The following MSRB3 variants were observed in gnomAD, a reference collection of about 807,000 sequenced individuals.
The protein encoded by MSRB3 is methionine sulfoxide reductase B3.
MSRB3 carries 13 observed loss-of-function variants against 21.0 expected under a neutral mutation model. The ratio of observed to expected loss-of-function variants is 0.62; its 90% CI spans 0.40 to 0.98. The LOEUF (loss-of-function observed/expected upper bound fraction) is 0.98, where lower values mean the gene tolerates loss of function less well. MSRB3 is among the 50% of genes least tolerant of loss of function. The pLI is 0.00. For missense variants in MSRB3, 199 were observed against 230.3 expected (o/e 0.86, Z 0.88); for synonymous variants, 87 against 88.6 (o/e 0.98, Z 0.10).
chr12:65,347,660 T>G (rs917295384), intron 4 of MSRB3, among the ~76,000 whole-genome samples: 1 of 152,204 alleles, frequency 6.6e-6, no homozygotes, highest in African/African-American at 2.4e-5. Flanking sequence ...CCCTGTCTTG[T>G]GCCAGTTTTC....
intron 5 of MSRB3, among the ~76,000 whole-genome samples, chr12:65,406,014 C>G (rs1283052786): frequency 6.6e-6 from 1 of 151,930 alleles, no homozygotes; most frequent in African/African-American, 2.4e-5. Flanking sequence ...TTCTCTTGTT[C>G]TATAGGTTGT....
At chr12:65,288,453 C>T (rs1397239296) in intron 1 of MSRB3, among the ~76,000 whole-genome samples, 2 of 152,156 alleles carry the variant, frequency 1.3e-5, no homozygotes, top group Non-Finnish European at 2.9e-5. Flanking sequence ...CTATCTTGTG[C>T]GATTCACTAT....
intron 1 of MSRB3, chr12:65,306,868 C>T: frequency 1.0e-6 from 1 of 985,892 alleles, no homozygotes; most frequent in Non-Finnish European, 1.2e-6. Context: ...TGCAGAGTGA[C>T]ATCACTGCCT....
intron 4 of MSRB3, among the ~76,000 whole-genome samples, chr12:65,348,927 CT>C (rs1483860781): frequency 1.3e-5 from 2 of 150,740 alleles, no homozygotes; most frequent in Non-Finnish European, 3.0e-5. Context: ...TTTTTATATA[CT>C]TTAAGTTTTA....
chr12:65,360,623 A>T (rs1398662254), intron 4 of MSRB3, among the ~76,000 whole-genome samples: 1 of 151,770 alleles, frequency 6.6e-6, no homozygotes, highest in East Asian at 1.9e-4. Context: ...CTCTTTCTTT[A>T]TTCCTGGGAA....
chr12:65,298,371 A>G (rs1371428979), intron 1 of MSRB3, among the ~76,000 whole-genome samples: 1 of 152,226 alleles, frequency 6.6e-6, no homozygotes, highest in Non-Finnish European at 1.5e-5. Context: ...TAATAAATGA[A>G]TTGAGTTTGG....
Position 65,387,000 on chromosome 12 carries a change from G to A in MSRB3, c.292+17974G>A, listed in dbSNP as rs188995701. On this transcript the variant is annotated intron_variant, in intron 5 of 6. Coordinates refer to ENST00000308259, the MANE Select transcript of MSRB3 (RefSeq NM_001031679.3). ...TAGACTATATATCCTGATATTTCTT[G>A]GTCTTATCTCATTATTTCAATTCTG... is the stretch of plus-strand genomic sequence containing the variant. Among the ~76,000 whole-genome samples the A allele has an allele frequency of 3.0e-3, 452 of 151,948 alleles. 1 individual carries two copies. The highest frequency in any genetic ancestry group is 0.01 in the African/African-American group (423 of 41,484).
At chr12:65,344,076 A>G (rs1340329186) in intron 4 of MSRB3, 1 of 152,092 alleles carries the variant, frequency 6.6e-6, no homozygotes, top group Non-Finnish European at 1.5e-5. Flanking sequence ...GATTAAGTAA[A>G]TAATGTTGAA....
At chr12:65,316,847 A>C (rs147477901) in intron 2 of MSRB3, among the ~76,000 whole-genome samples, 24 of 152,134 alleles carry the variant, frequency 1.6e-4, no homozygotes, top group Non-Finnish European at 3.2e-4. Flanking sequence ...GTCAGACTGG[A>C]TTCTCGGAAT....
At chr12:65,305,961 G>A (rs1166091941) in intron 1 of MSRB3, among the ~76,000 whole-genome samples, 2 of 152,142 alleles carry the variant, frequency 1.3e-5, no homozygotes, top group African/African-American at 4.8e-5. Context: ...CATTTCCTGA[G>A]CATATACTAT....
chr12:65,374,619 CT>C (rs1223562709), intron 5 of MSRB3, among the ~76,000 whole-genome samples: 1 of 152,166 alleles, frequency 6.6e-6, no homozygotes, highest in Non-Finnish European at 1.5e-5. Context: ...TTTCCACAGA[CT>C]TTTAAGAGAA....
Position 65,363,050 on chromosome 12 carries a change from A to G in MSRB3, c.264-5948A>G, listed in dbSNP as rs139145794. ...AATTCTTGCTGTAGAGTTGCCATAT[A>G]TAATGCGCTTACAGACAAAAATCAG... On this transcript the variant is annotated intron_variant, in intron 4 of 6. Transcript: ENST00000308259. 8.9e-4 allele frequency among the ~76,000 whole-genome samples: 135 copies of G among 152,314 alleles called. 1 individual carries two copies. Among genetic ancestry groups the G allele is most frequent in the Non-Finnish European group, 1.3e-3 (86 of 68,024 alleles).
At chr12:65,410,273 T>C (rs1266472905) in intron 5 of MSRB3, among the ~76,000 whole-genome samples, 3 of 152,204 alleles carry the variant, frequency 2.0e-5, no homozygotes, top group African/African-American at 7.2e-5. Context: ...TGTTTTTAGA[T>C]TTATTTATGT....
intron 5 of MSRB3, among the ~76,000 whole-genome samples, chr12:65,378,755 C>T (rs1878778585): frequency 6.6e-6 from 1 of 152,134 alleles, no homozygotes; most frequent in Non-Finnish European, 1.5e-5. Flanking sequence ...ACCCAGAAGA[C>T]TGATGGATGA....
At chr12:65,344,813 AGTC>A (rs1438849708) in intron 4 of MSRB3, among the ~76,000 whole-genome samples, 1 of 152,208 alleles carries the variant, frequency 6.6e-6, no homozygotes, top group East Asian at 1.9e-4. Flanking sequence ...CAAGGGGAAA[AGTC>A]GTAGAGCTGT....
At chr12:65,449,265 C>T (rs948182010) in intron 5 of MSRB3, among the ~76,000 whole-genome samples, 3 of 151,354 alleles carry the variant, frequency 2.0e-5, no homozygotes, top group Admixed American at 2.0e-4. Flanking sequence ...TCTTGACCTC[C>T]TGACCTCATG....
At chr12:65,410,442 G>A (rs1352947058) in intron 5 of MSRB3, among the ~76,000 whole-genome samples, 1 of 152,046 alleles carries the variant, frequency 6.6e-6, no homozygotes, top group African/African-American at 2.4e-5. Context: ...GATCACTTGA[G>A]GCCAGCCTGG....
chr12:65,285,841 A>C (rs1050534544), intron 1 of MSRB3: 2 of 152,308 alleles, frequency 1.3e-5, no homozygotes, highest in East Asian at 1.9e-4. Flanking sequence ...AAAAATCCCC[A>C]AAAAACCAGG....
chr12:65,279,011 C>T, intron 1 of MSRB3, 146 bp downstream of exon 1: 2 of 1,461,530 alleles, frequency 1.4e-6, no homozygotes, highest in East Asian at 2.6e-5. Context: ...CCTGCCTCAG[C>T]CGAGAAGGGG....
Sources: gnomAD v4.1 joint callset for allele counts (sites outside exome capture counted in the v4.1 genomes callset) on GRCh38, gnomAD v4.1.1 for gene constraint, MANE v1.5 for transcripts, NCBI Gene and HGNC (gene_info 2026-07-23, HGNC 2026-07-21) for gene names.